KIAA0232: variants seen among roughly 807,000 people sequenced by gnomAD.
KIAA0232 encodes the protein uncharacterized protein KIAA0232.
KIAA0232 carries 27 observed loss-of-function variants against 122.0 expected under a neutral mutation model. The ratio of observed to expected loss-of-function variants is 0.22; its 90% CI spans 0.16 to 0.31. KIAA0232 has a LOEUF of 0.31. Among genes scored for constraint, KIAA0232 ranks in the 10% least tolerant of loss-of-function variants. KIAA0232 has a pLI of 1.00. For missense variants in KIAA0232, 1,551 were observed against 1,634.2 expected (o/e 0.95, Z 0.88); for synonymous variants, 613 against 587.6 (o/e 1.04, Z -0.63).
chr4:6,876,603 G>T, intron 8 of KIAA0232, 57 bp from the exon 9 acceptor site: 1 of 1,137,304 alleles, frequency 8.8e-7, no homozygotes, highest in Non-Finnish European at 1.3e-6. Flanking sequence ...TCATAACTGT[G>T]TCTTAATGGA....
intron 2 of KIAA0232, among the ~76,000 whole-genome samples, chr4:6,810,932 A>G (rs1477798432): frequency 3.9e-5 from 6 of 152,314 alleles, no homozygotes; most frequent in Admixed American, 1.3e-4. Flanking sequence ...CAAAACAACA[A>G]CAACAACAAA....
chr4:6,833,538 G>A (rs1253015418), intron 3 of KIAA0232, among the ~76,000 whole-genome samples: 1 of 152,052 alleles, frequency 6.6e-6, no homozygotes, highest in Non-Finnish European at 1.5e-5. Context: ...GCTGAGGTTG[G>A]AGGATCACCT....
chr4:6,873,108 C>T (rs933806693), intron 8 of KIAA0232, among the ~76,000 whole-genome samples: 9 of 152,182 alleles, frequency 5.9e-5, no homozygotes, highest in South Asian at 2.1e-4. Context: ...GCCTTGGTTG[C>T]GTGCAAGGTG....
intron 4 of KIAA0232, among the ~76,000 whole-genome samples, chr4:6,856,165 T>C (rs894422593): frequency 6.6e-6 from 1 of 152,204 alleles, no homozygotes. Context: ...ATATTTGTGC[T>C]GAGTCATTTT....
chr4:6,821,618 CTATA>C (rs199959092), intron 2 of KIAA0232, among the ~76,000 whole-genome samples: 3 of 150,124 alleles, frequency 2.0e-5, no homozygotes, highest in Non-Finnish European at 4.4e-5. Flanking sequence ...ATACACATAT[CTATA>C]TATATATACG....
intron 1 of KIAA0232, among the ~76,000 whole-genome samples, chr4:6,801,495 C>T (rs139654904): frequency 1.8e-4 from 27 of 151,398 alleles, no homozygotes; most frequent in African/African-American, 1.9e-4. Flanking sequence ...TCGTGACCAG[C>T]CTGAGCAATG....
chr4:6,804,750 T>A (rs1213053386), intron 2 of KIAA0232, 144 bp downstream of exon 2: 1 of 152,224 alleles, frequency 6.6e-6, no homozygotes. Context: ...TAATTAATGA[T>A]CTTATTCCTA....
At position 6,863,941 on chromosome 4, in the gene KIAA0232, A is replaced by T. The variant is rs1362166401; in HGVS notation, c.3559A>T (p.Ser1187Cys). The T allele has an allele frequency of 6.2e-7, 1 of 1,614,082 alleles. No individual in the cohort carries two copies. Among genetic ancestry groups the T allele is most frequent in the Non-Finnish European group, 8.5e-7 (1 of 1,180,020 alleles). The change falls in exon 7 of 10, where the codon AGT (serine) becomes TGT (cysteine). Residue 1187 changes from serine to cysteine, a missense_variant. Transcript: ENST00000307659. ...GTTAAAAAAATCTGGGATGGAAAAG[A>T]GTGCTCAGACATCACTGGATTCCCA... ...PRLKKSGMEKSAQTSLDSQEE... is the reference protein window; with the variant it reads ...PRLKKSGMEKCAQTSLDSQEE...
intron 1 of KIAA0232, among the ~76,000 whole-genome samples, chr4:6,800,374 T>A (rs532957277): frequency 6.6e-6 from 1 of 151,350 alleles, no homozygotes; most frequent in South Asian, 2.1e-4. Flanking sequence ...TGATGTGTTC[T>A]GATTTTATTA....
Position 6,863,992 on chromosome 4 carries a change from G to T in KIAA0232, c.3610G>T (p.Val1204Leu), listed in dbSNP as rs759499449. 60 of 1,614,028 alleles carry T rather than the reference G, an allele frequency of 3.7e-5. No homozygotes were observed. In the Middle Eastern group the frequency reaches 1.6e-3, roughly 44 times the overall value. ...GGAGGAATCAACTGGGATTCTTTCA[G>T]TAGGAAAGCAAAATCAGTGTTTGGA... ...SQEESTGILSVGKQNQCLECS... is the reference protein window; with the variant it reads ...SQEESTGILSLGKQNQCLECS... Residue 1204 changes from valine to leucine, a missense_variant, in exon 7 of 10, where the codon GTA becomes TTA. Physicochemically the swap from Val to Leu is conservative, Grantham distance 32. Around this residue, in one of 5 missense-constraint regions of KIAA0232, gnomAD observed 1,108 missense variants for 1,154.8 expected, o/e 0.96. Transcript: ENST00000307659.
intron 3 of KIAA0232, among the ~76,000 whole-genome samples, chr4:6,825,988 C>T (rs559570597): frequency 2.0e-5 from 3 of 151,900 alleles, no homozygotes; most frequent in African/African-American, 7.3e-5. Context: ...CTTGCTCTGT[C>T]ACCCAGGCTG....
At chr4:6,865,590 CG>C in intron 7 of KIAA0232, among the ~76,000 whole-genome samples, 1 of 152,306 alleles carries the variant, frequency 6.6e-6, no homozygotes, top group African/African-American at 2.4e-5. Context: ...CGTGAGCCAC[CG>C]CGTCCGGCCC....
intron 3 of KIAA0232, among the ~76,000 whole-genome samples, chr4:6,825,321 C>T (rs75925938): frequency 0.011 from 1,614 of 152,162 alleles, 33 homozygotes; most frequent in African/African-American, 0.037. Flanking sequence ...GAGGCCGAGG[C>T]GGGAGGATCC....
chr4:6,848,219 T>C (rs1373688384), intron 4 of KIAA0232, among the ~76,000 whole-genome samples: 1 of 152,200 alleles, frequency 6.6e-6, no homozygotes, highest in African/African-American at 2.4e-5. Context: ...CCAGTAAAAG[T>C]ACAGAGTACA....
intron 9 of KIAA0232, among the ~76,000 whole-genome samples, chr4:6,877,127 C>T (rs936906015): frequency 6.6e-6 from 1 of 152,092 alleles, no homozygotes; most frequent in Non-Finnish European, 1.5e-5. Flanking sequence ...GAGACCTAGC[C>T]TTGTCCTCTT....
At chr4:6,847,302 A>G (rs1720017576) in intron 4 of KIAA0232, among the ~76,000 whole-genome samples, 1 of 152,186 alleles carries the variant, frequency 6.6e-6, no homozygotes, top group African/African-American at 2.4e-5. Context: ...AGAATGGCTT[A>G]CTTCTCTGGC....
At chr4:6,810,726 TCAA>T (rs1269555296) in intron 2 of KIAA0232, among the ~76,000 whole-genome samples, 1 of 152,066 alleles carries the variant, frequency 6.6e-6, no homozygotes, top group Non-Finnish European at 1.5e-5. Flanking sequence ...TTCAGACACT[TCAA>T]CAACAGCAAA....
chr4:6,789,529 C>T lies in KIAA0232; in HGVS notation c.-354+6688C>T, dbSNP rs1716791078. 1.3e-5 allele frequency among the ~76,000 whole-genome samples: 2 copies of T among 152,140 alleles called. 1 individual carries two copies. The highest frequency in any genetic ancestry group is 3.9e-4 in the East Asian group (2 of 5,192). On this transcript the variant is annotated intron_variant, in intron 1 of 9. Coordinates refer to ENST00000307659, the MANE Select transcript of KIAA0232 (RefSeq NM_014743.3). The stretch of plus-strand genomic sequence containing the variant: ...CCTCATGATCTTCCTGCCTCGGCCT[C>T]CCAAAGTGCTGGGATTACAGGTGTG...
chr4:6,847,080 TTATTA>T (rs919373079), intron 4 of KIAA0232, among the ~76,000 whole-genome samples: 38 of 152,236 alleles, frequency 2.5e-4, no homozygotes, highest in African/African-American at 8.2e-4. Flanking sequence ...ATAGGTTATA[TTATTA>T]TATTAAATAT....
Sources: allele counts gnomAD v4.1 joint callset (sites outside exome capture counted in the v4.1 genomes callset), GRCh38; gene constraint gnomAD v4.1.1; regional missense constraint gnomAD v4.1.1; transcripts MANE v1.5; gene names NCBI Gene and HGNC (gene_info 2026-07-23, HGNC 2026-07-21).